The following GPRC5A variants were observed in gnomAD, a reference collection of about 807,000 sequenced individuals.
The protein encoded by GPRC5A is G protein-coupled receptor class C group 5 member A, also known as retinoic acid-induced protein 3.
In GPRC5A, 19 loss-of-function variants were observed where a neutral mutation model predicts 22.5. The ratio of observed to expected loss-of-function variants is 0.85; its 90% confidence interval spans 0.59 to 1.24. The LOEUF is 1.24. Among genes scored for constraint, GPRC5A ranks in the 50% most tolerant of loss-of-function variants. The pLI is 0.00. For missense variants in GPRC5A, 471 were observed against 451.1 expected, an observed-to-expected ratio of 1.04 and a Z score of -0.40; for synonymous variants, 192 against 184.5, an observed-to-expected ratio of 1.04 and a Z score of -0.33.
Position 12,909,067 on chromosome 12 carries a change from A to G in GPRC5A, c.818A>G (p.Asn273Ser). 7 of 1,606,824 alleles carry G rather than the reference A, an allele frequency of 4.4e-6. No individual in the cohort carries two copies. Among genetic ancestry groups the G allele is most frequent in the Non-Finnish European group, 5.9e-6 (7 of 1,179,686 alleles). Residue 273 changes from asparagine to serine, a missense_variant, in exon 2 of 4, where the codon AAC becomes AGC. Physicochemically the swap from Asn to Ser is conservative, Grantham distance 46. Transcript: ENST00000014914. ...TTTTGGCTGCTCACAAAGCAACGAA[A>G]CCCCATGGATTATCCTGTTGAGGAT... Reference protein sequence around the residue: ...PEFWLLTKQRNPMDYPVEDAF... With the variant: ...PEFWLLTKQRSPMDYPVEDAF...
chr12:12,905,571 T>C (rs1404634333), intron 1 of GPRC5A, among the ~76,000 whole-genome samples: 1 of 152,244 alleles, frequency 6.6e-6, no homozygotes, highest in African/African-American at 2.4e-5. Flanking sequence ...CAAACTGGAC[T>C]ATAGTTATGT....
At chr12:12,908,135 G>T in intron 1 of GPRC5A, 108 bp from the exon 2 acceptor site, 1 of 721,790 alleles carries the variant, frequency 1.4e-6, no homozygotes, top group Non-Finnish European at 2.3e-6. Context: ...CAAAACCCTG[G>T]CTAAACATGC....
In GPRC5A at chr12:12,915,796, A is replaced by C. The variant is rs552646707; in HGVS notation, c.*3257A>C. 2.0e-5 allele frequency: 10 copies of C among 500,202 alleles called. No homozygotes were observed. The East Asian group carries it at 5.8e-4, about 29-fold the overall frequency. The allele number at this position is 500,202 out of a possible 1,614,324, so 31.0% of individuals were successfully genotyped here. ...CTCTGAAAGTGCTGGGATTACAGGC[A>C]TGAGCCACCGCGCCCGGCCCCGTTG... On this transcript the variant is annotated 3_prime_UTR_variant, in exon 4 of 4. Coordinates refer to ENST00000014914, the MANE Select transcript of GPRC5A (RefSeq NM_003979.4).
At chr12:12,897,061 T>C (rs1863827995) in intron 1 of GPRC5A, among the ~76,000 whole-genome samples, 2 of 151,904 alleles carry the variant, frequency 1.3e-5, no homozygotes, top group African/African-American at 4.8e-5. Flanking sequence ...ACCCTGCGTC[T>C]ACTAAAAATA....
intron 1 of GPRC5A, among the ~76,000 whole-genome samples, chr12:12,898,929 T>C (rs985002387): frequency 3.3e-5 from 5 of 152,220 alleles, no homozygotes; most frequent in Non-Finnish European, 5.9e-5. Context: ...CTGTTTTCCA[T>C]GTGCCCTCAG....
intron 1 of GPRC5A, among the ~76,000 whole-genome samples, chr12:12,905,819 ATATATGGGAAG>A (rs1863936246): frequency 6.6e-6 from 1 of 152,176 alleles, no homozygotes; most frequent in African/African-American, 2.4e-5. Flanking sequence ...CAAAGGACAG[ATATATGGGAAG>A]TAAACTGTAA....
At chr12:12,895,475 CCTT>C (rs1863812747) in intron 1 of GPRC5A, among the ~76,000 whole-genome samples, 1 of 151,416 alleles carries the variant, frequency 6.6e-6, no homozygotes, top group African/African-American at 2.4e-5. Context: ...GTCTCCATCT[CCTT>C]CTGCATTAGA....
chr12:12,911,635 C>T (rs1252249819), intron 2 of GPRC5A, among the ~76,000 whole-genome samples: 1 of 151,978 alleles, frequency 6.6e-6, no homozygotes, highest in African/African-American at 2.4e-5. Context: ...ACTACAGGTG[C>T]CCGCCACCAC....
intron 1 of GPRC5A, among the ~76,000 whole-genome samples, chr12:12,905,032 G>A (rs550446224): frequency 9.2e-5 from 14 of 151,982 alleles, no homozygotes; most frequent in Middle Eastern, 6.8e-3. Flanking sequence ...TTACAGGTGC[G>A]TGCCACTATG....
In GPRC5A at chr12:12,908,239, G is replaced by C. The variant is rs751420817; in HGVS notation, c.-7-4G>C. 1 of 1,537,708 alleles carries C rather than the reference G, an allele frequency of 6.5e-7. No homozygotes were observed. The highest frequency in any genetic ancestry group is 8.8e-7 in the Non-Finnish European group (1 of 1,138,342). ...CTCCCCACTCCAACATTCCTTTTCT[G>C]CAGGTCCAGAATGGCTACAACAGTC... On this transcript the variant is annotated splice_polypyrimidine_tract_variant and splice_region_variant and intron_variant, in intron 1 of 3. Coordinates refer to ENST00000014914, the MANE Select transcript of GPRC5A (RefSeq NM_003979.4).
chr12:12,899,256 C>G (rs1452863552), intron 1 of GPRC5A, among the ~76,000 whole-genome samples: 23 of 152,126 alleles, frequency 1.5e-4, no homozygotes, highest in Admixed American at 1.5e-3. Flanking sequence ...AGGTTGGTCT[C>G]AAACTCCTGG....
chr12:12,900,335 G>A (rs188703782), intron 1 of GPRC5A, among the ~76,000 whole-genome samples: 1 of 152,324 alleles, frequency 6.6e-6, no homozygotes, highest in East Asian at 1.9e-4. Context: ...CTCCCCAGGT[G>A]GGTGAACGGT....
At chr12:12,907,144 G>A (rs953968027) in intron 1 of GPRC5A, among the ~76,000 whole-genome samples, 8 of 151,842 alleles carry the variant, frequency 5.3e-5, no homozygotes, top group Non-Finnish European at 1.0e-4. Context: ...GGACCCAGCC[G>A]CTGGCTCAGA....
At chr12:12,902,307 CTAAT>C (rs1351271033) in intron 1 of GPRC5A, among the ~76,000 whole-genome samples, 1 of 150,274 alleles carries the variant, frequency 6.7e-6, no homozygotes, top group Admixed American at 6.6e-5. Flanking sequence ...TAATTCCAAA[CTAAT>C]TAGTCATCCA....
intron 1 of GPRC5A, among the ~76,000 whole-genome samples, chr12:12,901,976 G>C (rs1156344722): frequency 6.6e-6 from 1 of 152,134 alleles, no homozygotes; most frequent in African/African-American, 2.4e-5. Flanking sequence ...CTCCCAGGCT[G>C]TTTCTCTAGC....
In GPRC5A at chr12:12,916,068, G is replaced by C. The variant is rs568167949; in HGVS notation, c.*3529G>C. On this transcript the variant is annotated 3_prime_UTR_variant, in exon 4 of 4. Coordinates refer to ENST00000014914, the MANE Select transcript of GPRC5A (RefSeq NM_003979.4). ...TCTTTGGAGAGGGTACCAAAGGATA[G>C]CTGTTCTGTTTAAGTAGGGACCTCT... 1 of 253,980 alleles carries C rather than the reference G, an allele frequency of 3.9e-6. No individual in the cohort carries two copies. Among genetic ancestry groups the C allele is most frequent in the East Asian group, 1.3e-4 (1 of 7,872 alleles). 15.7% of individuals were successfully genotyped at this position (253,980 alleles called of 1,614,324 possible).
Position 12,908,861 on chromosome 12 carries a change from G to A in GPRC5A, c.612G>A (p.Thr204=), listed in dbSNP as rs147078198. The change falls in exon 2 of 4, where the codon ACG becomes ACA. Residue 204 remains threonine, a synonymous_variant. Transcript: ENST00000014914. ...CCTTCACCTTCTGTGGTTCCTTCAC[G>A]GGCTGGAAGAGACATGGGGCCCACA... The part of the protein sequence containing the change: ...MSSFTFCGSF[T]GWKRHGAHIY... 616 of 1,614,078 alleles carry A rather than the reference G, an allele frequency of 3.8e-4. 9 individuals carry two copies. The South Asian group carries it at 5.6e-3, about 15-fold the overall frequency.
chr12:12,895,374 C>CTT (rs11448107), intron 1 of GPRC5A, among the ~76,000 whole-genome samples: 50 of 140,272 alleles, frequency 3.6e-4, no homozygotes, highest in East Asian at 8.4e-4. Flanking sequence ...ATAGTTTAGT[C>CTT]TTTTTTTTTT....
intron 1 of GPRC5A, among the ~76,000 whole-genome samples, chr12:12,904,210 T>C (rs1245721352): frequency 6.6e-6 from 1 of 152,148 alleles, no homozygotes; most frequent in Non-Finnish European, 1.5e-5. Flanking sequence ...AGAGCCCTCA[T>C]ACTTCCTCTT....
Sources: gnomAD v4.1 joint callset for allele counts (sites outside exome capture counted in the v4.1 genomes callset) on GRCh38, gnomAD v4.1.1 for gene constraint, MANE v1.5 for transcripts, NCBI Gene and HGNC (gene_info 2026-07-23, HGNC 2026-07-21) for gene names.